The following SLC8A1 variants were observed in gnomAD, a reference collection of about 807,000 sequenced individuals.
SLC8A1 encodes sodium/calcium exchanger 1.
Under a neutral mutation model 68.3 loss-of-function variants are expected in SLC8A1, and 18 were observed. That is an observed-to-expected ratio of 0.26 (90% CI 0.18 to 0.39). The LOEUF (loss-of-function observed/expected upper bound fraction) is 0.39. Among genes scored for constraint, SLC8A1 ranks in the 10% least tolerant of loss-of-function variants. SLC8A1 has a pLI of 1.00. For missense variants in SLC8A1, 985 were observed against 1,156.7 expected (o/e 0.85, Z 2.15); for synonymous variants, 475 against 415.5 (o/e 1.14, Z -1.74).
intron 2 of SLC8A1, among the ~76,000 whole-genome samples, chr2:40,252,336 TTTGATTGA>T (rs887063315): frequency 6.6e-6 from 1 of 152,074 alleles, no homozygotes; most frequent in African/African-American, 2.4e-5. Flanking sequence ...ACATTTGTAT[TTTGATTGA>T]TTGATTGAGA....
intron 2 of SLC8A1, among the ~76,000 whole-genome samples, chr2:40,259,546 C>T (rs2064408263): frequency 6.6e-6 from 1 of 152,076 alleles, no homozygotes; most frequent in Admixed American, 6.6e-5. Flanking sequence ...AGTGATGCAA[C>T]CAAGCTCACC....
At chr2:40,317,871 T>C (rs1411922660) in intron 2 of SLC8A1, among the ~76,000 whole-genome samples, 1 of 152,124 alleles carries the variant, frequency 6.6e-6, no homozygotes, top group African/African-American at 2.4e-5. Context: ...GAAAACCTGA[T>C]GCTGACCTTG....
chr2:40,281,309 TGA>T (rs2067483028), intron 2 of SLC8A1, among the ~76,000 whole-genome samples: 1 of 152,048 alleles, frequency 6.6e-6, no homozygotes, highest in Non-Finnish European at 1.5e-5. Flanking sequence ...ACAGCTGGAA[TGA>T]GAGAAATGGG....
chr2:40,400,187 G>A (rs780107476), intron 2 of SLC8A1, among the ~76,000 whole-genome samples: 4 of 152,130 alleles, frequency 2.6e-5, no homozygotes, highest in Non-Finnish European at 4.4e-5. Context: ...GAGTCTTGCC[G>A]ATGCCCCCGG....
intron 2 of SLC8A1, among the ~76,000 whole-genome samples, chr2:40,264,619 G>A (rs1234107674): frequency 9.9e-5 from 15 of 152,060 alleles, no homozygotes; most frequent in East Asian, 3.9e-4. Flanking sequence ...CAAACACCGC[G>A]TGTTCTCACT....
intron 2 of SLC8A1, among the ~76,000 whole-genome samples, chr2:40,266,687 C>T (rs1220536339): frequency 6.6e-6 from 1 of 152,166 alleles, no homozygotes; most frequent in Non-Finnish European, 1.5e-5. Context: ...ACATTGTGTA[C>T]CTCATCCTTC....
Position 40,424,098 on chromosome 2 carries a change from A to G in SLC8A1, c.1808+4375T>C, listed in dbSNP as rs544475276. Among the ~76,000 whole-genome samples the G allele has an allele frequency of 5.9e-5, 9 of 152,060 alleles. No homozygotes were observed. The South Asian group carries it at 1.7e-3, about 28-fold the overall frequency. ...ATAAAATTCTACTGCTATAAAGTAA[A>G]GCTTGAATATGTTGGAGTTATTAAA... On this transcript the variant is annotated intron_variant, in intron 2 of 7. Coordinates refer to ENST00000406785, the Ensembl canonical transcript of SLC8A1.
At chr2:40,358,890 AC>A (rs1167266100) in intron 2 of SLC8A1, among the ~76,000 whole-genome samples, 5 of 152,322 alleles carry the variant, frequency 3.3e-5, no homozygotes, top group Middle Eastern at 3.4e-3. Flanking sequence ...AAAGAACCAC[AC>A]AAAAACAGGG....
At chr2:40,131,334 C>T (rs924880961) in intron 7 of SLC8A1, among the ~76,000 whole-genome samples, 2 of 152,184 alleles carry the variant, frequency 1.3e-5, no homozygotes, top group African/African-American at 4.8e-5. Context: ...GAGACAGAGG[C>T]TGTTAACTGT....
intron 1 of SLC8A1, among the ~76,000 whole-genome samples, chr2:40,431,377 A>G (rs558224643): frequency 6.6e-6 from 1 of 152,206 alleles, no homozygotes; most frequent in South Asian, 2.1e-4. Context: ...GACAAGAGTG[A>G]CCACAAAATA....
chr2:40,491,724 T>C (rs926113750), intron 1 of SLC8A1, among the ~76,000 whole-genome samples: 2 of 152,178 alleles, frequency 1.3e-5, no homozygotes, highest in East Asian at 1.9e-4. Context: ...CTTTTCTGCA[T>C]CTATTGAGAG....
chr2:40,470,849 A>G (rs1484045558), intron 1 of SLC8A1, among the ~76,000 whole-genome samples: 1 of 152,148 alleles, frequency 6.6e-6, no homozygotes, highest in East Asian at 1.9e-4. Flanking sequence ...TCAATCAACA[A>G]TTGTTTAATT....
chr2:40,452,232 C>G (rs1194374766), upstream of SLC8A1, among the ~76,000 whole-genome samples: 1 of 149,952 alleles, frequency 6.7e-6, no homozygotes, highest in East Asian at 2.0e-4. Context: ...CTCGCTCACA[C>G]GCGCGCTCGG....
chr2:40,178,381 C>T lies in SLC8A1; in HGVS notation c.1809-526G>A. The T allele has an allele frequency of 6.2e-7, 1 of 1,612,354 alleles. No homozygotes were observed. The highest frequency in any genetic ancestry group is 8.5e-7 in the Non-Finnish European group (1 of 1,178,644). ...GTTGGGCTCAGCCCTGGAGCAGCTCCCCCACCTTTCTTCTCACTCATCTCC... is the reference window on the plus strand; with the variant it reads ...GTTGGGCTCAGCCCTGGAGCAGCTCTCCCACCTTTCTTCTCACTCATCTCC... On this transcript the variant is annotated intron_variant, in intron 2 of 7. Transcript: ENST00000406785.
chr2:40,442,549 A>G (rs1199724767), intron 1 of SLC8A1, among the ~76,000 whole-genome samples: 2 of 152,252 alleles, frequency 1.3e-5, no homozygotes, highest in African/African-American at 4.8e-5. Context: ...CAAAACCACA[A>G]TGAGATACCA....
At chr2:40,487,739 G>A (rs1407633427) in intron 1 of SLC8A1, among the ~76,000 whole-genome samples, 1 of 152,146 alleles carries the variant, frequency 6.6e-6, no homozygotes, top group Non-Finnish European at 1.5e-5. Flanking sequence ...AGGAGTGAAA[G>A]AAGCCCATTG....
intron 2 of SLC8A1, among the ~76,000 whole-genome samples, chr2:40,318,398 T>C (rs958302281): frequency 6.6e-6 from 1 of 152,012 alleles, no homozygotes; most frequent in Admixed American, 6.6e-5. Context: ...ACTTACTATG[T>C]ACCAAGGATC....
intron 2 of SLC8A1, among the ~76,000 whole-genome samples, chr2:40,426,633 C>G (rs1696923701): frequency 6.6e-6 from 1 of 151,906 alleles, no homozygotes; most frequent in Non-Finnish European, 1.5e-5. Flanking sequence ...AGTCCTTATT[C>G]TTAAGAAAAG....
At chr2:40,181,931 G>A (rs979468913) in intron 2 of SLC8A1, among the ~76,000 whole-genome samples, 3 of 152,150 alleles carry the variant, frequency 2.0e-5, no homozygotes, top group Non-Finnish European at 2.9e-5. Flanking sequence ...TGAAGATGTC[G>A]TTATTTTGGC....
Sources: gnomAD v4.1 joint callset for allele counts (sites outside exome capture counted in the v4.1 genomes callset) on GRCh38, gnomAD v4.1.1 for gene constraint, MANE v1.5 for transcripts, NCBI Gene and HGNC (gene_info 2026-07-23, HGNC 2026-07-21) for gene names.